The following DAB2IP variants were observed in gnomAD, a reference collection of about 807,000 sequenced individuals.
DAB2IP encodes the protein disabled homolog 2-interacting protein.
Under a neutral mutation model 107.2 loss-of-function variants are expected in DAB2IP, and 28 were observed. That is an observed-to-expected ratio of 0.26 (90% CI 0.19 to 0.36). The LOEUF (loss-of-function observed/expected upper bound fraction) is 0.36, where lower values mean the gene tolerates loss of function less well. DAB2IP is among the 10% of genes least tolerant of loss of function. The pLI is 1.00. For synonymous variants in DAB2IP, 755 were observed against 706.4 expected (o/e 1.07, Z -1.09); for missense variants, 1,400 against 1,644.7 (o/e 0.85, Z 2.57).
chr9:121,668,256 G>C (rs945848345), intron 1 of DAB2IP, among the ~76,000 whole-genome samples: 1 of 149,092 alleles, frequency 6.7e-6, no homozygotes, highest in African/African-American at 2.5e-5. Context: ...GCAGTGGCAC[G>C]ATCTCCACTC....
chr9:121,587,763 G>A (rs1383727156), intron 1 of DAB2IP, among the ~76,000 whole-genome samples: 3 of 152,142 alleles, frequency 2.0e-5, no homozygotes, highest in Non-Finnish European at 4.4e-5. Flanking sequence ...AGAATGCCTG[G>A]GTGAGAGTGT....
At chr9:121,747,703 T>C (rs925528956) in intron 3 of DAB2IP, among the ~76,000 whole-genome samples, 6 of 152,242 alleles carry the variant, frequency 3.9e-5, no homozygotes, top group Non-Finnish European at 8.8e-5. Context: ...GGTTTATGAA[T>C]GTTTAAAAAC....
chr9:121,609,988 A>G (rs372985341), intron 1 of DAB2IP, among the ~76,000 whole-genome samples: 39 of 151,924 alleles, frequency 2.6e-4, no homozygotes, highest in African/African-American at 9.0e-4. Context: ...TGAGATCACT[A>G]CTCACCTCTG....
intron 1 of DAB2IP, among the ~76,000 whole-genome samples, chr9:121,586,243 T>C (rs949578993): frequency 6.6e-6 from 1 of 152,196 alleles, no homozygotes; most frequent in Non-Finnish European, 1.5e-5. Flanking sequence ...TTCCCTATGA[T>C]TACCGAACAC....
chr9:121,708,814 C>T lies in DAB2IP; in HGVS notation c.362+9356C>T, dbSNP rs147259461. On this transcript the variant is annotated intron_variant, in intron 3 of 15. Transcript: ENST00000408936. Reference sequence around the variant, plus strand: ...GAGTGGATCTTGTACCCTTGGCTCCCGCCTGAGAATGGAAGTCTTCCAGAC... The same window carrying T: ...GAGTGGATCTTGTACCCTTGGCTCCTGCCTGAGAATGGAAGTCTTCCAGAC... Among the ~76,000 whole-genome samples, 451 of 152,304 alleles carry T rather than the reference C, an allele frequency of 3.0e-3. 2 individuals are homozygous for T. Among genetic ancestry groups the T allele is most frequent in the Admixed American group, 0.016 (239 of 15,304 alleles).
intron 1 of DAB2IP, among the ~76,000 whole-genome samples, chr9:121,612,966 GA>G (rs915078286): frequency 6.6e-6 from 1 of 152,248 alleles, no homozygotes; most frequent in African/African-American, 2.4e-5. Flanking sequence ...GAGGTGTGGG[GA>G]GGGGGGATGT....
At position 121,669,388 on chromosome 9, in the gene DAB2IP, C is replaced by G. The variant is rs538804981; in HGVS notation, c.125-9290C>G. 8.7e-4 allele frequency among the ~76,000 whole-genome samples: 132 copies of G among 152,236 alleles called. 1 individual carries two copies. The highest frequency in any genetic ancestry group is 5.9e-4 in the Non-Finnish European group (40 of 68,016). ...AGTTGCCCTCTAGCCAAAGACCCAC[C>G]AAGAGTACACCTCTAGTTGAATAAG... On this transcript the variant is annotated intron_variant, in intron 1 of 15. Transcript: ENST00000408936.
At chr9:121,609,548 G>C (rs1831017344) in intron 1 of DAB2IP, among the ~76,000 whole-genome samples, 3 of 152,164 alleles carry the variant, frequency 2.0e-5, no homozygotes, top group African/African-American at 7.2e-5. Flanking sequence ...GTACATTTTA[G>C]TGCCCATGGC....
intron 1 of DAB2IP, among the ~76,000 whole-genome samples, chr9:121,637,023 C>T (rs1371845866): frequency 2.6e-5 from 4 of 152,194 alleles, no homozygotes; most frequent in Non-Finnish European, 4.4e-5. Flanking sequence ...TCCTTCTGGA[C>T]ACTTTGTTTT....
intron 3 of DAB2IP, among the ~76,000 whole-genome samples, chr9:121,747,981 C>T (rs2118922305): frequency 6.6e-6 from 1 of 152,284 alleles, no homozygotes; most frequent in South Asian, 2.1e-4. Flanking sequence ...GGCTGCCTCT[C>T]ATTCAGGAGC....
At chr9:121,704,046 G>A (rs568187097) in intron 3 of DAB2IP, among the ~76,000 whole-genome samples, 9 of 152,226 alleles carry the variant, frequency 5.9e-5, no homozygotes, top group Middle Eastern at 3.4e-3. Flanking sequence ...TCCATCTTCC[G>A]TTTGGGTCAT....
intron 2 of DAB2IP, among the ~76,000 whole-genome samples, chr9:121,683,442 G>A (rs1828699784): frequency 6.6e-6 from 1 of 152,192 alleles, no homozygotes; most frequent in African/African-American, 2.4e-5. Flanking sequence ...CTGGGGTGTG[G>A]GAGGTGGCAG....
rs1221418014 is a variant in DAB2IP, at chr9:121,698,989, T to C, written c.229-336T>C. ...GCCCCTCCGCAGCCCCGCCCCCTCG[T>C]CCCGGTACTCCCCCTCGCCCCGGCG... On this transcript the variant is annotated intron_variant, in intron 2 of 15. Coordinates refer to ENST00000408936, the Ensembl canonical transcript of DAB2IP. This position sits in a 1 kb window ranked among gnomAD's most constrained non-coding sequence, Gnocchi z 4.1. Among the ~76,000 whole-genome samples, 1 of 151,410 alleles carries C rather than the reference T, an allele frequency of 6.6e-6. No homozygotes were observed. Among genetic ancestry groups the C allele is most frequent in the East Asian group, 2.0e-4 (1 of 5,114 alleles).
At chr9:121,669,339 C>T (rs1833581539) in intron 1 of DAB2IP, among the ~76,000 whole-genome samples, 1 of 152,158 alleles carries the variant, frequency 6.6e-6, no homozygotes. Context: ...TCTTACATAA[C>T]TATAGGACGG....
rs1277920769 is a variant in DAB2IP at position 121,760,410 on chromosome 9, C to T, written c.1141C>T (p.His381Tyr). The T allele has an allele frequency of 1.2e-6, 2 of 1,606,132 alleles. No homozygotes were observed. Among genetic ancestry groups the T allele is most frequent in the Non-Finnish European group, 1.7e-6 (2 of 1,178,906 alleles). ...GGAGGAGATGGCATCTGCCCTGGTGCACATCCTGCAGAGCACGGGCAAGGT... is the reference window on the plus strand; with the variant it reads ...GGAGGAGATGGCATCTGCCCTGGTGTACATCCTGCAGAGCACGGGCAAGGT... Residue 381 changes from histidine to tyrosine, a missense_variant, in exon 6 of 16, where the codon CAC (histidine) becomes TAC (tyrosine). His to Tyr is a moderately conservative substitution (Grantham distance 83). Transcript: ENST00000408936. This position sits in a 1 kb window ranked among gnomAD's most constrained non-coding sequence, Gnocchi z 5.9.
intron 1 of DAB2IP, among the ~76,000 whole-genome samples, chr9:121,638,036 A>G (rs536351138): frequency 2.0e-5 from 3 of 152,162 alleles, no homozygotes; most frequent in African/African-American, 4.8e-5. Flanking sequence ...CTGTGTGACA[A>G]TGCCAAGCTG....
chr9:121,664,755 G>A (rs561088885), intron 1 of DAB2IP, among the ~76,000 whole-genome samples: 12 of 152,316 alleles, frequency 7.9e-5, no homozygotes, highest in South Asian at 2.1e-4. Flanking sequence ...GATCCATGGC[G>A]TAGCAGATGG....
chr9:121,731,133 T>C (rs1831512460), intron 3 of DAB2IP, among the ~76,000 whole-genome samples: 1 of 152,218 alleles, frequency 6.6e-6, no homozygotes, highest in South Asian at 2.1e-4. Context: ...GCCTGTTATA[T>C]ATATTTTTTT....
intron 1 of DAB2IP, among the ~76,000 whole-genome samples, chr9:121,661,412 G>T (rs1191298329): frequency 6.6e-6 from 1 of 152,060 alleles, no homozygotes; most frequent in African/African-American, 2.4e-5. Flanking sequence ...CAGCACACAG[G>T]GTGGGGTAAG....
Sources: gnomAD v4.1 joint callset for allele counts (sites outside exome capture counted in the v4.1 genomes callset) on GRCh38, gnomAD v4.1.1 for gene constraint, Gnocchi (gnomAD v3.1) non-coding constraint, MANE v1.5 for transcripts, NCBI Gene and HGNC (gene_info 2026-07-23, HGNC 2026-07-21) for gene names.